CNTN5: variants seen among roughly 807,000 people sequenced by gnomAD.
CNTN5 encodes contactin-5.
A neutral mutation model predicts 129.1 loss-of-function variants in CNTN5; 77 were observed. The ratio of observed to expected loss-of-function variants is 0.60; its 90% CI spans 0.50 to 0.72. The LOEUF (loss-of-function observed/expected upper bound fraction) is 0.72. Ranked by LOEUF, CNTN5 falls within the 30% of genes least tolerant of loss-of-function variation. The pLI, the probability that CNTN5 is intolerant of heterozygous loss-of-function variation, is 0.00. For synonymous variants in CNTN5, 509 were observed against 465.6 expected (o/e 1.09, Z -1.20); for missense variants, 1,478 against 1,328.8 (o/e 1.11, Z -1.75).
chr11:99,203,291 A>T (rs1178692035), intron 1 of CNTN5, among the ~76,000 whole-genome samples: 1 of 152,196 alleles, frequency 6.6e-6, no homozygotes, highest in Non-Finnish European at 1.5e-5. Context: ...TTCTACACAG[A>T]ATCATTTGAG....
intron 8 of CNTN5, among the ~76,000 whole-genome samples, chr11:99,976,209 G>A (rs769451876): frequency 6.6e-6 from 1 of 152,202 alleles, no homozygotes; most frequent in African/African-American, 2.4e-5. Context: ...AAGGCCTTTG[G>A]CAACTCTGTC....
intron 3 of CNTN5, among the ~76,000 whole-genome samples, chr11:99,632,122 A>G (rs183800558): frequency 6.6e-6 from 1 of 152,210 alleles, no homozygotes; most frequent in Admixed American, 6.5e-5. Context: ...AAGTGGGGAT[A>G]CTGTATCTGA....
intron 6 of CNTN5, among the ~76,000 whole-genome samples, chr11:99,850,962 TC>T (rs1207223292): frequency 6.6e-6 from 1 of 152,162 alleles, no homozygotes; most frequent in Non-Finnish European, 1.5e-5. Context: ...GCCAAAAATT[TC>T]CTTAACCGGA....
intron 3 of CNTN5, among the ~76,000 whole-genome samples, chr11:99,712,625 G>T (rs1026793010): frequency 1.3e-4 from 20 of 152,096 alleles, no homozygotes; most frequent in Admixed American, 5.9e-4. Context: ...TTAGGTTTAA[G>T]TCTTTAATCC....
intron 3 of CNTN5, among the ~76,000 whole-genome samples, chr11:99,569,821 A>G (rs1201551185): frequency 6.6e-6 from 1 of 152,194 alleles, no homozygotes; most frequent in Non-Finnish European, 1.5e-5. Flanking sequence ...AATAGGATGA[A>G]TAATTTTACA....
chr11:99,915,206 C>A (rs1005344023), intron 6 of CNTN5, among the ~76,000 whole-genome samples: 1 of 152,060 alleles, frequency 6.6e-6, no homozygotes, highest in African/African-American at 2.4e-5. Context: ...TAAAAGTTGT[C>A]TTATTGATCA....
intron 9 of CNTN5, among the ~76,000 whole-genome samples, chr11:100,044,244 G>T (rs1225535983): frequency 6.6e-6 from 1 of 151,806 alleles, no homozygotes; most frequent in Non-Finnish European, 1.5e-5. Context: ...GGATACTCAG[G>T]TTGATTCCAT....
Position 99,916,045 on chromosome 11 carries a change from T to A in CNTN5, c.578-9T>A. ...TGCCTTGGATCTAAATGTTTTATTA[T>A]GTTGACAGATCTGGGAAATTTTAGT... On this transcript the variant is annotated splice_polypyrimidine_tract_variant and intron_variant, in intron 6 of 24. Coordinates refer to ENST00000524871, the MANE Select transcript of CNTN5 (RefSeq NM_014361.4). 2 of 1,605,834 alleles carry A rather than the reference T, an allele frequency of 1.2e-6. No homozygotes were observed. Among genetic ancestry groups the A allele is most frequent in the Non-Finnish European group, 1.7e-6 (2 of 1,174,382 alleles).
At chr11:100,353,272 C>T (rs1210453798) in intron 24 of CNTN5, among the ~76,000 whole-genome samples, 2 of 151,524 alleles carry the variant, frequency 1.3e-5, no homozygotes, top group East Asian at 3.9e-4. Context: ...AGACTCAGAA[C>T]CTGAGTCATG....
In CNTN5 at chr11:99,546,883, A is replaced by G. The variant is rs190675828; in HGVS notation, c.-70-9262A>G. On this transcript the variant is annotated intron_variant, in intron 2 of 24. Coordinates refer to ENST00000524871, the MANE Select transcript of CNTN5 (RefSeq NM_014361.4). ...GCACTGACTCTTAATTAAGTGACTT[A>G]TTTCATTTCTGACAAAGCTAGATAT... Among the ~76,000 whole-genome samples, 265 of 152,002 alleles carry G rather than the reference A, an allele frequency of 1.7e-3. 1 individual carries two copies. The highest frequency in any genetic ancestry group is 5.9e-3 in the African/African-American group (246 of 41,462).
intron 1 of CNTN5, among the ~76,000 whole-genome samples, chr11:99,143,144 C>T (rs150464341): frequency 8.9e-4 from 135 of 151,826 alleles, no homozygotes; most frequent in African/African-American, 3.1e-3. Flanking sequence ...ATATCTTATC[C>T]GATGACATTA....
In CNTN5 at chr11:99,216,323, C is replaced by A. The variant is rs149372472; in HGVS notation, c.-209-109023C>A. The stretch of plus-strand genomic sequence containing the variant: ...TTCTATCTGTGTTGTTGCAAATGAC[C>A]GGATTTCATTCTTTTTTAGGGTAGA... On this transcript the variant is annotated intron_variant, in intron 1 of 24. Coordinates refer to ENST00000524871, the MANE Select transcript of CNTN5 (RefSeq NM_014361.4). Among the ~76,000 whole-genome samples the A allele has an allele frequency of 4.4e-3, 676 of 152,106 alleles. 6 individuals carry two copies. Among genetic ancestry groups the A allele is most frequent in the African/African-American group, 0.013 (554 of 41,502 alleles).
At chr11:99,422,372 T>C (rs933108177) in intron 2 of CNTN5, among the ~76,000 whole-genome samples, 21 of 151,594 alleles carry the variant, frequency 1.4e-4, no homozygotes, top group Admixed American at 1.3e-4. Context: ...AGTCTCCAAA[T>C]AGTCTTTGCA....
intron 13 of CNTN5, among the ~76,000 whole-genome samples, chr11:100,182,914 A>T (rs2123322): frequency 6.6e-6 from 1 of 151,792 alleles, no homozygotes; most frequent in African/African-American, 2.4e-5. Context: ...TAAAAAAAAA[A>T]CTCTAAATCT....
In CNTN5 at chr11:100,233,990, G is replaced by T. The variant is rs191459077; in HGVS notation, c.2005+9178G>T. 4.6e-5 allele frequency among the ~76,000 whole-genome samples: 7 copies of T among 152,080 alleles called. No individual in the cohort carries two copies. The East Asian group carries it at 1.4e-3, about 29-fold the overall frequency. On this transcript the variant is annotated intron_variant, in intron 16 of 24. Transcript: ENST00000524871. ...CAACCCCATCAAAAAGTGGGCAAAG[G>T]ATATGGACGCTTCTCAAAAGAAGAT...
chr11:99,418,943 T>C (rs949082327), intron 2 of CNTN5, among the ~76,000 whole-genome samples: 1 of 152,148 alleles, frequency 6.6e-6, no homozygotes, highest in Non-Finnish European at 1.5e-5. Context: ...TGGGATAACA[T>C]ATGCTTTGCC....
At position 100,166,996 on chromosome 11, in the gene CNTN5, A is replaced by G. The variant is rs7115930; in HGVS notation, c.1581-24130A>G. ...ACACACAGAAAAATGGGGCAGAAGA[A>G]GACTTAGACCCCAAGTGTCTTATTT... On this transcript the variant is annotated intron_variant, in intron 13 of 24. Transcript: ENST00000524871. 8.1e-3 allele frequency among the ~76,000 whole-genome samples: 1,230 copies of G among 151,900 alleles called. 13 individuals carry two copies. The highest frequency in any genetic ancestry group is 0.028 in the African/African-American group (1,154 of 41,496).
intron 15 of CNTN5, among the ~76,000 whole-genome samples, chr11:100,213,242 T>C (rs1949069777): frequency 6.6e-6 from 1 of 152,118 alleles, no homozygotes; most frequent in African/African-American, 2.4e-5. Flanking sequence ...TATAAGCATA[T>C]ATGATAATTG....
In CNTN5 at chr11:100,207,680, A is replaced by T. The variant is rs369224401; in HGVS notation, c.1884+14017A>T. Among the ~76,000 whole-genome samples, 4 of 152,284 alleles carry T rather than the reference A, an allele frequency of 2.6e-5. No individual in the cohort carries two copies. The South Asian group carries it at 8.3e-4, about 32-fold the overall frequency. ...TTTTGAAACCTGTACTTCAATTGCC[A>T]TTATTTATCATTTGCAAGAAAAGTT... On this transcript the variant is annotated intron_variant, in intron 15 of 24. Transcript: ENST00000524871.
Sources: gnomAD v4.1 joint callset for allele counts (sites outside exome capture counted in the v4.1 genomes callset) on GRCh38, gnomAD v4.1.1 for gene constraint, MANE v1.5 for transcripts, NCBI Gene and HGNC (gene_info 2026-07-23, HGNC 2026-07-21) for gene names.